The following HDAC9 variants were observed in gnomAD, a reference collection of about 807,000 sequenced individuals.
HDAC9 encodes the protein MEF-2 interacting transcription repressor (MITR) protein.
In HDAC9, 41 loss-of-function variants were observed where a neutral mutation model predicts 139.4. The observed-to-expected ratio is 0.29, with a 90% CI of 0.23 to 0.38. HDAC9 has a LOEUF of 0.38. HDAC9 is among the 10% of genes least tolerant of loss of function. HDAC9 has a pLI of 1.00. For missense variants in HDAC9, 1,147 were observed against 1,297.0 expected, an observed-to-expected ratio of 0.88 and a Z score of 1.78; for synonymous variants, 517 against 476.2, an observed-to-expected ratio of 1.09 and a Z score of -1.12.
chr7:18,936,853 AC>A (rs1781670645), intron 23 of HDAC9, among the ~76,000 whole-genome samples: 2 of 152,088 alleles, frequency 1.3e-5, no homozygotes, highest in Admixed American at 6.5e-5. Context: ...AACAAAATGT[AC>A]CTTTTCTTCT....
chr7:18,787,818 T>A (rs1791948288), intron 16 of HDAC9, among the ~76,000 whole-genome samples: 1 of 152,238 alleles, frequency 6.6e-6, no homozygotes, highest in African/African-American at 2.4e-5. Flanking sequence ...AATATGTTAT[T>A]TATTTTTTCT....
chr7:18,827,475 A>G (rs1462377978), intron 17 of HDAC9, among the ~76,000 whole-genome samples: 1 of 152,126 alleles, frequency 6.6e-6, no homozygotes, highest in African/African-American at 2.4e-5. Flanking sequence ...GCAGCATATG[A>G]GCATTTAGCG....
At chr7:18,898,158 T>A (rs1285635478) in intron 22 of HDAC9, among the ~76,000 whole-genome samples, 1 of 151,966 alleles carries the variant, frequency 6.6e-6, no homozygotes, top group Non-Finnish European at 1.5e-5. Context: ...ATTTGTTTTG[T>A]TTTAAAACAT....
chr7:18,460,716 AG>A (rs1460535253), intron 1 of HDAC9, among the ~76,000 whole-genome samples: 1 of 142,328 alleles, frequency 7.0e-6, no homozygotes, highest in Non-Finnish European at 1.5e-5. Flanking sequence ...TGAACCCAGG[AG>A]GTGGAGGTTG....
intron 1 of HDAC9, among the ~76,000 whole-genome samples, chr7:18,482,627 C>G (rs992994853): frequency 6.6e-6 from 1 of 152,006 alleles, no homozygotes; most frequent in African/African-American, 2.4e-5. Flanking sequence ...AGAAAAGTAA[C>G]TGAGCAATGC....
At chr7:18,749,755 G>A (rs1200986415) in intron 14 of HDAC9, among the ~76,000 whole-genome samples, 1 of 152,032 alleles carries the variant, frequency 6.6e-6, no homozygotes. Flanking sequence ...AATTCAGAAA[G>A]GCTCCCATCA....
chr7:18,158,146 T>G (rs527762529), intron 1 of HDAC9, among the ~76,000 whole-genome samples: 1 of 152,250 alleles, frequency 6.6e-6, no homozygotes, highest in East Asian at 1.9e-4. Context: ...GCTTTTTTAG[T>G]AGCACACTAT....
At chr7:18,951,402 T>G (rs1782785463) in intron 23 of HDAC9, among the ~76,000 whole-genome samples, 1 of 151,956 alleles carries the variant, frequency 6.6e-6, no homozygotes, top group Non-Finnish European at 1.5e-5. Context: ...TTAGATACAA[T>G]TAAGCTGGAT....
chr7:18,097,611 A>C (rs1457461406), intron 1 of HDAC9, among the ~76,000 whole-genome samples: 2 of 152,072 alleles, frequency 1.3e-5, no homozygotes, highest in Admixed American at 1.3e-4. Flanking sequence ...TCTGTCACAC[A>C]GGCTATAATG....
intron 12 of HDAC9, among the ~76,000 whole-genome samples, chr7:18,716,013 G>A (rs1425793449): frequency 6.6e-6 from 1 of 152,152 alleles, no homozygotes; most frequent in Non-Finnish European, 1.5e-5. Context: ...TATGTTACTT[G>A]TCATGTCTCT....
chr7:18,618,242 G>A (rs903291642), intron 6 of HDAC9, among the ~76,000 whole-genome samples: 2 of 152,096 alleles, frequency 1.3e-5, no homozygotes, highest in African/African-American at 4.8e-5. Flanking sequence ...GGTCAGGAAT[G>A]GCTGTTATTG....
intron 2 of HDAC9, among the ~76,000 whole-genome samples, chr7:18,526,664 C>T (rs1807032768): frequency 6.6e-6 from 1 of 152,128 alleles, no homozygotes; most frequent in South Asian, 2.1e-4. Flanking sequence ...TGACTATATA[C>T]AGCAGCAGGA....
chr7:18,393,947 A>G (rs1786782714), intron 1 of HDAC9, among the ~76,000 whole-genome samples: 1 of 152,200 alleles, frequency 6.6e-6, no homozygotes, highest in Admixed American at 6.5e-5. Flanking sequence ...ATTTCCATTC[A>G]TAGACATGTC....
chr7:18,095,963 G>T (rs1363422351), intron 1 of HDAC9, among the ~76,000 whole-genome samples: 3 of 152,112 alleles, frequency 2.0e-5, no homozygotes, highest in African/African-American at 7.2e-5. Flanking sequence ...TAACTTTGAG[G>T]CTTTGTGTAT....
At chr7:18,494,994 G>A (rs552839606), upstream of HDAC9, among the ~76,000 whole-genome samples, 3 of 152,182 alleles carry the variant, frequency 2.0e-5, no homozygotes, top group South Asian at 4.1e-4. Context: ...GGATGGATGC[G>A]ATAAAATTCA....
intron 1 of HDAC9, among the ~76,000 whole-genome samples, chr7:18,126,442 A>C (rs898717187): frequency 6.6e-6 from 1 of 152,156 alleles, no homozygotes; most frequent in African/African-American, 2.4e-5. Flanking sequence ...CTTTCCTGCA[A>C]ATCAAGTGTT....
intron 21 of HDAC9, among the ~76,000 whole-genome samples, chr7:18,845,839 G>C (rs1004670919): frequency 1.3e-5 from 2 of 152,256 alleles, no homozygotes; most frequent in Admixed American, 1.3e-4. Flanking sequence ...TCCAGGCCTC[G>C]AAGGAAGAGA....
At chr7:18,379,914 G>A (rs1048713230) in intron 1 of HDAC9, among the ~76,000 whole-genome samples, 9 of 152,070 alleles carry the variant, frequency 5.9e-5, no homozygotes, top group Non-Finnish European at 1.5e-5. Context: ...CTTGGATTTG[G>A]GTCTTGCAGC....
chr7:18,618,760 A>ATATG (rs1388208113), intron 6 of HDAC9, among the ~76,000 whole-genome samples: 1 of 133,810 alleles, frequency 7.5e-6, no homozygotes, highest in African/African-American at 2.8e-5. Flanking sequence ...ATATATATAT[A>ATATG]TGTAGGAATT....
Sources: gnomAD v4.1 joint callset for allele counts (sites outside exome capture counted in the v4.1 genomes callset) on GRCh38, gnomAD v4.1.1 for gene constraint, MANE v1.5 for transcripts, NCBI Gene and HGNC (gene_info 2026-07-23, HGNC 2026-07-21) for gene names.